DMD: variants seen among roughly 807,000 people sequenced by gnomAD.
DMD encodes mutant dystrophin.
In DMD, 63 loss-of-function variants were observed where a neutral mutation model predicts 330.1. The ratio of observed to expected loss-of-function variants is 0.19; its 90% confidence interval spans 0.16 to 0.24. The LOEUF is 0.24. DMD is among the 10% of genes least tolerant of loss of function. The probability of loss-of-function intolerance (pLI) is 1.00; values close to 1 mark genes in which losing one functional copy is unlikely to be tolerated. For synonymous variants in DMD, 1,223 were observed against 959.8 expected, an observed-to-expected ratio of 1.27 and a Z score of -5.07; for missense variants, 3,344 against 2,684.1, an observed-to-expected ratio of 1.25 and a Z score of -5.43.
chrX:31,276,398 T>G (rs1412210112), intron 62 of DMD, among the ~76,000 whole-genome samples: 1 of 111,772 alleles, frequency 8.9e-6, no homozygotes, highest in Non-Finnish European at 1.9e-5. Flanking sequence ...GATGTGGTTA[T>G]GAAAATTTTG....
At chrX:31,421,938 C>CACATATATATATATATAT (rs1319394926) in intron 60 of DMD, among the ~76,000 whole-genome samples, 237 of 64,956 alleles carry the variant, frequency 3.6e-3, no homozygotes, top group South Asian at 7.8e-3. Context: ...TATATACACA[C>CACATATATATATATATAT]ACACATATAT....
intron 56 of DMD, among the ~76,000 whole-genome samples, chrX:31,502,196 G>C (rs1194148714): frequency 9.0e-6 from 1 of 111,394 alleles, no homozygotes; most frequent in Non-Finnish European, 1.9e-5. Context: ...AATCTCCAGG[G>C]TGTCATCAAC....
chrX:31,337,226 G>C (rs1470418691), intron 61 of DMD, among the ~76,000 whole-genome samples: 1 of 110,777 alleles, frequency 9.0e-6, no homozygotes, highest in Non-Finnish European at 1.9e-5. Context: ...CCCGGCCCAT[G>C]TTATTCTTCA....
intron 44 of DMD, among the ~76,000 whole-genome samples, chrX:32,106,926 C>A (rs2096566503): frequency 8.9e-6 from 1 of 111,846 alleles, no homozygotes; most frequent in African/African-American, 3.2e-5. Context: ...ACTTTTACAC[C>A]AAGTTAACCT....
At chrX:32,411,936 T>C (rs770552279) in intron 29 of DMD, 23 bp from the exon 30 acceptor site, 3 of 1,206,566 alleles carry the variant, frequency 2.5e-6, no homozygotes, top group Non-Finnish European at 2.2e-6. Flanking sequence ...AATAAGAGTG[T>C]ATCAGTTAAA....
At chrX:33,160,203 G>A (rs1182897753) in intron 1 of DMD, among the ~76,000 whole-genome samples, 1 of 112,113 alleles carries the variant, frequency 8.9e-6, no homozygotes, top group Non-Finnish European at 1.9e-5. Context: ...ATGTTTGGTA[G>A]ATTAGGTATA....
intron 2 of DMD, among the ~76,000 whole-genome samples, chrX:32,917,484 A>T (rs1247657599): frequency 8.9e-6 from 1 of 111,783 alleles, no homozygotes; most frequent in Non-Finnish European, 1.9e-5. Context: ...ATTCACAAAC[A>T]TAACATGTTA....
chrX:33,011,981 T>A (rs755249378), intron 2 of DMD, among the ~76,000 whole-genome samples: 1 of 111,648 alleles, frequency 9.0e-6, no homozygotes, highest in South Asian at 3.7e-4. Flanking sequence ...ATAATTCCAA[T>A]TTTCTTGTAT....
intron 47 of DMD, among the ~76,000 whole-genome samples, chrX:31,914,338 G>C (rs138584370): frequency 0.18 from 19,964 of 111,118 alleles, 1,480 homozygotes; most frequent in African/African-American, 0.26. Context: ...CCTCAAAAAA[G>C]TAAAAATAGA....
intron 1 of DMD, among the ~76,000 whole-genome samples, chrX:33,161,696 C>T (rs894217680): frequency 1.6e-4 from 18 of 111,208 alleles, no homozygotes; most frequent in Middle Eastern, 4.2e-3. Flanking sequence ...ATGTCTACCA[C>T]GAATAAGCCC....
chrX:32,045,610 T>C (rs1306272590), intron 44 of DMD, among the ~76,000 whole-genome samples: 3 of 111,333 alleles, frequency 2.7e-5, no homozygotes, highest in South Asian at 7.6e-4. Flanking sequence ...CCGTCTGTCC[T>C]TGATACTCTT....
At chrX:32,971,759 A>ACACACATATATATATATGTGTG (rs1820169763) in intron 2 of DMD, among the ~76,000 whole-genome samples, 1 of 110,811 alleles carries the variant, frequency 9.0e-6, no homozygotes, top group African/African-American at 3.3e-5. Flanking sequence ...ACCTAGAGAC[A>ACACACATATATATATATGTGTG]CACACATATA....
intron 47 of DMD, among the ~76,000 whole-genome samples, chrX:31,888,946 C>A (rs1350553643): frequency 1.8e-5 from 2 of 112,109 alleles, no homozygotes; most frequent in Non-Finnish European, 3.8e-5. Context: ...GATGCTTATA[C>A]ATCTATATTT....
intron 60 of DMD, among the ~76,000 whole-genome samples, chrX:31,376,657 G>A: frequency 8.9e-6 from 1 of 112,241 alleles, no homozygotes; most frequent in Non-Finnish European, 1.9e-5. Flanking sequence ...GTTATATGAG[G>A]AAACAGACAA....
In DMD at chrX:32,522,999, G is replaced by C. The variant is rs1161274451; in HGVS notation, c.2169-4868C>G. Among the ~76,000 whole-genome samples the C allele has an allele frequency of 2.7e-5, 3 of 111,644 alleles. No homozygotes were observed. In the East Asian group the frequency reaches 8.5e-4, roughly 31 times the overall value. On this transcript the variant is annotated intron_variant, in intron 17 of 78. Coordinates refer to ENST00000357033, the MANE Select transcript of DMD (RefSeq NM_004006.3). ...TTTGATTTAGACTATCTCTAAGAAA[G>C]ATTGCTCACTTCTACTTAGAGGTCC...
chrX:31,264,327 T>C (rs889213703), intron 62 of DMD, among the ~76,000 whole-genome samples: 4 of 111,501 alleles, frequency 3.6e-5, no homozygotes, highest in Non-Finnish European at 7.5e-5. Flanking sequence ...CATTTCACTC[T>C]CCACATCGGA....
At chrX:31,764,137 T>G (rs1320148098) in intron 51 of DMD, among the ~76,000 whole-genome samples, 1 of 111,759 alleles carries the variant, frequency 8.9e-6, no homozygotes, top group Non-Finnish European at 1.9e-5. Context: ...ATCCTGGCAC[T>G]GATATTACAA....
chrX:33,321,454 A>C (rs1232798135), intron 1 of DMD, among the ~76,000 whole-genome samples: 2 of 111,450 alleles, frequency 1.8e-5, no homozygotes, highest in African/African-American at 6.5e-5. Flanking sequence ...TTTTCTGAGC[A>C]CAAGGTCTCA....
chrX:32,561,166 T>C lies in DMD; in HGVS notation c.1992+4536A>G, dbSNP rs138590742. 2.7e-5 allele frequency among the ~76,000 whole-genome samples: 3 copies of C among 111,470 alleles called. No individual in the cohort carries two copies. The East Asian group carries it at 8.5e-4, about 32-fold the overall frequency. ...GTGTGCTGAGGCTAATATGGATGAA[T>C]TGAGAGAAGTAGGCTTCAAAGGTGG... On this transcript the variant is annotated intron_variant, in intron 16 of 78. Transcript: ENST00000357033.
Sources: gnomAD v4.1 joint callset for allele counts (sites outside exome capture counted in the v4.1 genomes callset) on GRCh38, gnomAD v4.1.1 for gene constraint, MANE v1.5 for transcripts, NCBI Gene and HGNC (gene_info 2026-07-23, HGNC 2026-07-21) for gene names.